SFI1: variants seen among roughly 807,000 people sequenced by gnomAD.
SFI1 encodes SFI1 centrin binding protein.
In SFI1, 195 loss-of-function variants were observed where a neutral mutation model predicts 207.5. That is an observed-to-expected ratio of 0.94 (90% CI 0.84 to 1.06). SFI1 has a LOEUF of 1.06. Among genes scored for constraint, SFI1 ranks in the 50% least tolerant of loss-of-function variants. The pLI, the probability that SFI1 is intolerant of heterozygous loss-of-function variation, is 0.00. For missense variants in SFI1, 1,634 were observed against 1,588.0 expected (o/e 1.03, Z -0.49); for synonymous variants, 630 against 598.9 (o/e 1.05, Z -0.76).
In SFI1 at chr22:31,613,486, A is replaced by G. The variant is rs770542479; in HGVS notation, c.2698A>G (p.Met900Val). The G allele has an allele frequency of 2.5e-6, 4 of 1,598,560 alleles. No homozygotes were observed. The highest frequency in any genetic ancestry group is 3.4e-6 in the Non-Finnish European group (4 of 1,176,534). The change falls in exon 26 of 33, where the codon ATG becomes GTG. Residue 900 changes from methionine to valine, a missense_variant. Coordinates refer to ENST00000400288, the MANE Select transcript of SFI1 (RefSeq NM_001007467.3). ...GCGGCTCCTGCGCTTTGCAGCCAGC[A>G]TGAAGGCCTCCCGGCAGCAGCTGCA... ...ATRLLRFAAS[M>V]KASRQQLQAQ...
chr22:31,557,894 G>A (rs1847607965), intron 7 of SFI1, among the ~76,000 whole-genome samples: 1 of 152,174 alleles, frequency 6.6e-6, no homozygotes, highest in South Asian at 2.1e-4. Flanking sequence ...ATGTAACAAT[G>A]AGCTGCATTA....
intron 29 of SFI1, chr22:31,616,532 T>C: frequency 2.1e-6 from 1 of 465,364 alleles, no homozygotes; most frequent in Non-Finnish European, 3.7e-6. Flanking sequence ...CCTGGTTGCT[T>C]GCGGGACTTT....
intron 15 of SFI1, among the ~76,000 whole-genome samples, chr22:31,598,175 A>G (rs1255051216): frequency 6.6e-6 from 1 of 150,962 alleles, no homozygotes; most frequent in African/African-American, 2.4e-5. Context: ...TTAGTAGAGA[A>G]GGGGTTTCAC....
At position 31,508,308 on chromosome 22, in the gene SFI1, G is replaced by C. The variant is rs768241765; in HGVS notation, c.24G>C (p.Lys8Asn). Residue 8 changes from lysine to asparagine, a missense_variant, in exon 2 of 33, where the codon AAG becomes AAC. Coordinates refer to ENST00000400288, the MANE Select transcript of SFI1 (RefSeq NM_001007467.3). ...TCATGAAGAATCTGCTCACTGAGAA[G>C]TGTATATCAAGCCACAATTTCCATC... MKNLLTE[K>N]CISSHNFHQK... is the part of the protein sequence containing the mutation. 3 of 1,612,924 alleles carry C rather than the reference G, an allele frequency of 1.9e-6. No homozygotes were observed. Among genetic ancestry groups the C allele is most frequent in the Non-Finnish European group, 2.5e-6 (3 of 1,179,202 alleles).
At chr22:31,546,303 C>A (rs531926044) in intron 4 of SFI1, among the ~76,000 whole-genome samples, 1 of 151,868 alleles carries the variant, frequency 6.6e-6, no homozygotes, top group Non-Finnish European at 1.5e-5. Context: ...CATGCCTGGC[C>A]TCTATTTTTA....
intron 22 of SFI1, among the ~76,000 whole-genome samples, chr22:31,609,061 G>A (rs143183655): frequency 0.015 from 2,241 of 151,892 alleles, 52 homozygotes; most frequent in African/African-American, 0.05. Context: ...GCAGTGGTGC[G>A]ATCTCGGCTC....
chr22:31,585,522 C>T (rs369747353), intron 14 of SFI1, among the ~76,000 whole-genome samples: 3 of 152,198 alleles, frequency 2.0e-5, no homozygotes, highest in East Asian at 3.9e-4. Context: ...ACATGTCTCC[C>T]GGGGGTGGAG....
intron 10 of SFI1, among the ~76,000 whole-genome samples, 163 bp downstream of exon 10, chr22:31,575,555 T>C (rs1182094393): frequency 6.6e-6 from 1 of 152,236 alleles, no homozygotes. Context: ...TAATTGGGAT[T>C]GTGTATAAAA....
chr22:31,563,839 G>A (rs1382963146), intron 8 of SFI1, among the ~76,000 whole-genome samples: 6 of 151,072 alleles, frequency 4.0e-5, no homozygotes, highest in East Asian at 2.0e-4. Flanking sequence ...CCTGCCCCTC[G>A]GCCTCCCAAA....
intron 4 of SFI1, among the ~76,000 whole-genome samples, chr22:31,531,558 G>A (rs1180756599): frequency 6.6e-6 from 1 of 152,130 alleles, no homozygotes; most frequent in Non-Finnish European, 1.5e-5. Context: ...TTAGGAGTTC[G>A]AGACCAGCCT....
At chr22:31,612,197 T>G in intron 24 of SFI1, 1 of 424,110 alleles carries the variant, frequency 2.4e-6, no homozygotes, top group Non-Finnish European at 3.1e-6. Flanking sequence ...GCTAACACGG[T>G]GAAACCCCGT....
intron 6 of SFI1, among the ~76,000 whole-genome samples, chr22:31,552,002 T>C (rs2060665317): frequency 1.3e-5 from 2 of 152,172 alleles, no homozygotes; most frequent in South Asian, 4.1e-4. Context: ...TGATAGGTAA[T>C]TTTTCAACCC....
At chr22:31,511,396 T>G (rs1012184215) in intron 2 of SFI1, among the ~76,000 whole-genome samples, 1 of 151,832 alleles carries the variant, frequency 6.6e-6, no homozygotes, top group African/African-American at 2.4e-5. Context: ...CTTTATTTCA[T>G]CTTCTCAAGC....
chr22:31,534,034 C>CAGAG (rs1463849760), intron 4 of SFI1, among the ~76,000 whole-genome samples: 1 of 152,194 alleles, frequency 6.6e-6, no homozygotes, highest in Non-Finnish European at 1.5e-5. Context: ...CTAGATAAGA[C>CAGAG]AGAGTCCTTA....
At chr22:31,605,411 GCTTCTGC>G (rs2068798023) in intron 20 of SFI1, 1 of 153,350 alleles carries the variant, frequency 6.5e-6, no homozygotes, top group Admixed American at 6.5e-5. Context: ...TGTGGAGGGT[GCTTCTGC>G]AGCTTCTGCC....
intron 13 of SFI1, among the ~76,000 whole-genome samples, 189 bp downstream of exon 13, chr22:31,584,161 A>G (rs1040366734): frequency 3.9e-5 from 6 of 152,198 alleles, no homozygotes; most frequent in African/African-American, 1.4e-4. Flanking sequence ...GGGAGATAGA[A>G]TGAGCATATT....
chr22:31,617,273 C>T (rs531192093), intron 31 of SFI1, among the ~76,000 whole-genome samples, 195 bp downstream of exon 31: 23 of 152,194 alleles, frequency 1.5e-4, no homozygotes, highest in African/African-American at 4.6e-4. Flanking sequence ...GCTCTCTACC[C>T]GGCTCAGTGC....
intron 2 of SFI1, among the ~76,000 whole-genome samples, chr22:31,524,033 G>C (rs376800073): frequency 9.7e-4 from 142 of 146,786 alleles, no homozygotes; most frequent in African/African-American, 3.3e-3. Context: ...GAAACCCTGT[G>C]TCTACTAATA....
rs1165446622 is a variant in SFI1, at chr22:31,618,532, A to G, written c.*114A>G. On this transcript the variant is annotated 3_prime_UTR_variant, in exon 33 of 33. Transcript: ENST00000400288. ...TTTTATTTCAAAATGCTTTGCAATT[A>G]AATGAATTACTGTTCAGAAGTCTCC... The G allele has an allele frequency of 1.8e-6, 2 of 1,090,298 alleles. No individual in the cohort carries two copies. The highest frequency in any genetic ancestry group is 2.5e-6 in the Non-Finnish European group (2 of 803,748). 67.5% of individuals were successfully genotyped at this position (1,090,298 alleles called of 1,614,324 possible).
Sources: gnomAD v4.1 joint callset for allele counts (sites outside exome capture counted in the v4.1 genomes callset) on GRCh38, gnomAD v4.1.1 for gene constraint, MANE v1.5 for transcripts, NCBI Gene and HGNC (gene_info 2026-07-23, HGNC 2026-07-21) for gene names.